Variants in ZMYND8 observed in about 807,000 individuals in gnomAD.
ZMYND8 encodes the protein zinc finger MYND-type containing 8, also known as MYND-type zinc finger-containing chromatin reader ZMYND8.
In ZMYND8, 37 loss-of-function variants were observed where a neutral mutation model predicts 140.8. That is an observed-to-expected ratio of 0.26 (90% CI 0.20 to 0.35). The LOEUF (loss-of-function observed/expected upper bound fraction) is 0.35. Among genes scored for constraint, ZMYND8 ranks in the 10% least tolerant of loss-of-function variants. The probability of loss-of-function intolerance (pLI) is 1.00; values close to 1 mark genes in which losing one functional copy is unlikely to be tolerated. For missense variants in ZMYND8, 1,068 were observed against 1,570.0 expected, an observed-to-expected ratio of 0.68 and a Z score of 5.40; for synonymous variants, 592 against 597.1, an observed-to-expected ratio of 0.99 and a Z score of 0.12.
At position 47,292,941 on chromosome 20, in the gene ZMYND8, T is replaced by C. The variant is rs113997503; in HGVS notation, c.568-1053A>G. On this transcript the variant is annotated intron_variant, in intron 5 of 22. Coordinates refer to ENST00000471951, the MANE Select transcript of ZMYND8 (RefSeq NM_001281775.3). ...CTGGGTGTGGCGGTGTGTGCATCTA[T>C]AGTTCCAGCTACTTGAGAGGCTGAG... 4.0e-3 allele frequency among the ~76,000 whole-genome samples: 601 copies of C among 151,462 alleles called. 2 individuals are homozygous for C. Among genetic ancestry groups the C allele is most frequent in the African/African-American group, 0.013 (549 of 41,208 alleles).
At chr20:47,344,538 A>G (rs1380123461) in intron 2 of ZMYND8, among the ~76,000 whole-genome samples, 1 of 152,242 alleles carries the variant, frequency 6.6e-6, no homozygotes, top group Non-Finnish European at 1.5e-5. Context: ...CAGGCAGACA[A>G]CTAAATGTAA....
At chr20:47,215,153 GCCTGAGCTCAGGAGTTCGAGACCAA>G (rs1285580262) in intron 21 of ZMYND8, among the ~76,000 whole-genome samples, 1 of 152,152 alleles carries the variant, frequency 6.6e-6, no homozygotes, top group Non-Finnish European at 1.5e-5. Flanking sequence ...CAGGTGGATT[GCCTGAGCTCAGGAGTTCGAGACCAA>G]CCTGGGCAAC....
chr20:47,314,196 G>C (rs146830844), intron 2 of ZMYND8, among the ~76,000 whole-genome samples: 132 of 151,826 alleles, frequency 8.7e-4, no homozygotes, highest in African/African-American at 3.1e-3. Context: ...ACTGGATGAC[G>C]TTACGAAAAT....
At chr20:47,227,950 G>A (rs997954678) in intron 17 of ZMYND8, among the ~76,000 whole-genome samples, 6 of 152,142 alleles carry the variant, frequency 3.9e-5, no homozygotes, top group East Asian at 1.9e-4. Context: ...AAAATTAACC[G>A]GGCATGGCGG....
At chr20:47,289,484 T>C (rs188050761) in intron 7 of ZMYND8, among the ~76,000 whole-genome samples, 1 of 152,136 alleles carries the variant, frequency 6.6e-6, no homozygotes, top group Admixed American at 6.5e-5. Context: ...GAAAAACCTA[T>C]GTCCATGCAA....
At chr20:47,352,573 T>A (rs1206807740) in intron 1 of ZMYND8, 3 of 980,486 alleles carry the variant, frequency 3.1e-6, no homozygotes, top group East Asian at 1.1e-4. Flanking sequence ...ACAGCCTGAG[T>A]GGATAACGTC....
intron 3 of ZMYND8, among the ~76,000 whole-genome samples, chr20:47,308,176 T>C (rs2078645617): frequency 6.8e-6 from 1 of 147,930 alleles, no homozygotes; most frequent in South Asian, 2.1e-4. Flanking sequence ...TTTCAAGTAC[T>C]GAAGAACCAC....
At chr20:47,229,593 A>T in intron 17 of ZMYND8, 133 bp downstream of exon 17, 1 of 761,428 alleles carries the variant, frequency 1.3e-6, no homozygotes. Context: ...CGATAATGAC[A>T]ATCAGTAGAG....
intron 8 of ZMYND8, among the ~76,000 whole-genome samples, chr20:47,286,479 AG>A (rs2076930890): frequency 6.6e-6 from 1 of 151,948 alleles, no homozygotes; most frequent in Admixed American, 6.6e-5. Context: ...GCACCTGGCC[AG>A]GTATCTATCT....
At chr20:47,285,311 A>T (rs1314910764) in intron 8 of ZMYND8, among the ~76,000 whole-genome samples, 1 of 152,246 alleles carries the variant, frequency 6.6e-6, no homozygotes, top group African/African-American at 2.4e-5. Flanking sequence ...CTCAATAATT[A>T]TAAGACTAAC....
intron 10 of ZMYND8, among the ~76,000 whole-genome samples, chr20:47,279,298 C>T (rs1191147890): frequency 2.6e-5 from 4 of 152,058 alleles, no homozygotes; most frequent in Non-Finnish European, 4.4e-5. Context: ...GGTGAAACCC[C>T]ATCTCTACTA....
chr20:47,270,251 A>G (rs2075827440), intron 11 of ZMYND8, among the ~76,000 whole-genome samples: 1 of 150,646 alleles, frequency 6.6e-6, no homozygotes, highest in Non-Finnish European at 1.5e-5. Flanking sequence ...AAAAAAAAAA[A>G]AATCCCAGCT....
chr20:47,242,960 C>T (rs1348601131), intron 14 of ZMYND8, among the ~76,000 whole-genome samples: 1 of 152,086 alleles, frequency 6.6e-6, no homozygotes, highest in Non-Finnish European at 1.5e-5. Flanking sequence ...TACTTAATTC[C>T]TGAATTTGTC....
At chr20:47,219,967 CA>C (rs1290401377) in intron 21 of ZMYND8, among the ~76,000 whole-genome samples, 1 of 152,128 alleles carries the variant, frequency 6.6e-6, no homozygotes, top group Admixed American at 6.5e-5. Flanking sequence ...AATCCAAATG[CA>C]CTTCTTCTAC....
intron 2 of ZMYND8, among the ~76,000 whole-genome samples, 156 bp downstream of exon 2, chr20:47,347,700 A>T (rs1272925220): frequency 7.2e-5 from 11 of 152,246 alleles, no homozygotes; most frequent in Admixed American, 7.2e-4. Flanking sequence ...TTCTCCATCA[A>T]TTAGGTTCAT....
chr20:47,306,811 C>T (rs112267165), intron 3 of ZMYND8, among the ~76,000 whole-genome samples: 223 of 152,164 alleles, frequency 1.5e-3, no homozygotes, highest in Non-Finnish European at 2.2e-3. Context: ...AAAAAGAAGA[C>T]GACAGTGGAG....
At chr20:47,336,819 A>G (rs1221410674) in intron 2 of ZMYND8, among the ~76,000 whole-genome samples, 1 of 152,212 alleles carries the variant, frequency 6.6e-6, no homozygotes, top group Non-Finnish European at 1.5e-5. Flanking sequence ...CGGATGAGCC[A>G]TATTCCTGCT....
rs145631329 is a variant in ZMYND8, at chr20:47,230,645, C to G, written c.2857-839G>C. Among the ~76,000 whole-genome samples, 139 of 152,166 alleles carry G rather than the reference C, an allele frequency of 9.1e-4. 1 individual carries two copies. The East Asian group carries it at 0.019, about 21-fold the overall frequency. Reference sequence around the variant, plus strand: ...AGAAGGATTACTTTGTTTTGGTTTTCATTATTTCCCGTCAAAAAACCAGCA... The same window carrying G: ...AGAAGGATTACTTTGTTTTGGTTTTGATTATTTCCCGTCAAAAAACCAGCA... On this transcript the variant is annotated intron_variant, in intron 16 of 22. Coordinates refer to ENST00000471951, the MANE Select transcript of ZMYND8 (RefSeq NM_001281775.3).
intron 1 of ZMYND8, chr20:47,356,230 C>A: frequency 2.6e-6 from 2 of 759,526 alleles, no homozygotes; most frequent in South Asian, 3.7e-5. Context: ...CCATTTTCTT[C>A]CCCCAGCAGG....
Sources: gnomAD v4.1 joint callset for allele counts (sites outside exome capture counted in the v4.1 genomes callset) on GRCh38, gnomAD v4.1.1 for gene constraint, MANE v1.5 for transcripts, NCBI Gene and HGNC (gene_info 2026-07-23, HGNC 2026-07-21) for gene names.